Variants in RIPOR3 observed in about 807,000 individuals in gnomAD.
RIPOR3 encodes family with sequence similarity 65 member C.
In RIPOR3, 95 loss-of-function variants were observed where a neutral mutation model predicts 114.3. The ratio of observed to expected loss-of-function variants is 0.83; its 90% CI spans 0.70 to 0.99. RIPOR3 has a LOEUF of 0.99. RIPOR3 is among the 50% of genes least tolerant of loss of function. The pLI, the probability that RIPOR3 is intolerant of heterozygous loss-of-function variation, is 0.00. For synonymous variants in RIPOR3, 575 were observed against 543.8 expected (o/e 1.06, Z -0.80); for missense variants, 1,252 against 1,266.9 (o/e 0.99, Z 0.18).
chr20:50,592,512 C>T lies in RIPOR3; in HGVS notation c.2409G>A (p.Gln803=). The T allele has an allele frequency of 6.3e-7, 1 of 1,591,832 alleles. No homozygotes were observed. Among genetic ancestry groups the T allele is most frequent in the East Asian group, 2.3e-5 (1 of 44,068 alleles). ...TLIEELHCAG[Q]AKVVRKLQGK... is the part of the protein sequence containing the mutation. ...CCTGCAGCTTCCGGACCACCTTGGC[C>T]TGTCCCGCACAGTGAAGCTCCTCGA... The change falls in exon 19 of 22, where the codon CAG becomes CAA. Residue 803 remains glutamine (Q), a synonymous_variant. Coordinates refer to ENST00000327979, the MANE Select transcript of RIPOR3 (RefSeq NM_001290268.2).
intron 2 of RIPOR3, among the ~76,000 whole-genome samples, chr20:50,628,507 C>T (rs940014313): frequency 6.6e-6 from 1 of 152,082 alleles, no homozygotes; most frequent in African/African-American, 2.4e-5. Flanking sequence ...CGGCCCACCC[C>T]CATCTGCACA....
At chr20:50,621,379 C>CT (rs976616807) in intron 2 of RIPOR3, among the ~76,000 whole-genome samples, 2 of 152,158 alleles carry the variant, frequency 1.3e-5, no homozygotes, top group African/African-American at 4.8e-5. Flanking sequence ...CCCAGCTCTG[C>CT]TTTTTATACT....
At chr20:50,665,853 C>T (rs1267655018) in intron 1 of RIPOR3, among the ~76,000 whole-genome samples, 1 of 152,122 alleles carries the variant, frequency 6.6e-6, no homozygotes, top group Admixed American at 6.5e-5. Flanking sequence ...CTGCTCCAAG[C>T]TAGGTGAAGG....
chr20:50,664,819 C>T (rs1336964906), intron 1 of RIPOR3, among the ~76,000 whole-genome samples: 1 of 151,938 alleles, frequency 6.6e-6, no homozygotes, highest in Non-Finnish European at 1.5e-5. Flanking sequence ...AAAAGAAACC[C>T]GGCTGGGCAC....
chr20:50,590,220 C>A (rs2083066645), intron 19 of RIPOR3, among the ~76,000 whole-genome samples: 1 of 152,246 alleles, frequency 6.6e-6, no homozygotes. Context: ...CCAGCGGTGA[C>A]CCTGCCCTCT....
Position 50,691,145 on chromosome 20 carries a change from CTCGAGTGCAG to C in RIPOR3, c.-27_-18del. 7.8e-7 allele frequency: 1 copy of C among 1,289,468 alleles called. No homozygotes were observed. Among genetic ancestry groups the C allele is most frequent in the Non-Finnish European group, 1.0e-6 (1 of 988,864 alleles). The allele number at this position is 1,289,468 out of a possible 1,614,324, so 79.9% of individuals were successfully genotyped here. On this transcript the variant is annotated 5_prime_UTR_variant, in exon 1 of 22. Coordinates refer to ENST00000327979, the MANE Select transcript of RIPOR3 (RefSeq NM_001290268.2). Reference sequence around the variant, plus strand: ...ACTCACCATCGAGCAGGTCTGGACACTCGAGTGCAGTCCCGCCGCCCTCCTTGCAGCTGCC... The same window carrying C: ...ACTCACCATCGAGCAGGTCTGGACACTCCCGCCGCCCTCCTTGCAGCTGCC...
At chr20:50,587,771 G>A (rs754855419) in intron 21 of RIPOR3, 31 bp downstream of exon 21, 19 of 1,609,808 alleles carry the variant, frequency 1.2e-5, no homozygotes, top group Admixed American at 6.7e-5. Flanking sequence ...CAGGCACCCC[G>A]CTGCGCTGCA....
intron 2 of RIPOR3, among the ~76,000 whole-genome samples, chr20:50,628,898 CA>C (rs2084718300): frequency 6.6e-6 from 1 of 152,178 alleles, no homozygotes; most frequent in South Asian, 2.1e-4. Flanking sequence ...GGGCTGACCT[CA>C]GGGGGGTGGA....
rs954562200 is a variant in RIPOR3, at chr20:50,691,370, G to A, written c.-242C>T. 8.1e-6 allele frequency: 3 copies of A among 368,614 alleles called. No homozygotes were observed. Among genetic ancestry groups the A allele is most frequent in the Non-Finnish European group, 1.5e-5 (3 of 194,386 alleles). The allele number at this position is 368,614 out of a possible 1,614,324, so 22.8% of individuals were successfully genotyped here. A position where few individuals can be genotyped will look rare whatever the true frequency, so the allele number is the denominator to read the frequency against. On this transcript the variant is annotated 5_prime_UTR_variant, in exon 1 of 22. Transcript: ENST00000327979. ...GGTGCAGGGAGGCCGGTGCCCTGCC[G>A]GGCTCTGATAATGCAGCCGGGACTC...
Position 50,630,668 on chromosome 20 carries a change from C to T in RIPOR3, c.122+70G>A, listed in dbSNP as rs145115161. ...GTCTCTGGCAGCAGGAGGAGGATGA[C>T]CCTGCCCTTCCCCAGCCCATTAACA... On this transcript the variant is annotated intron_variant, in intron 2 of 21. Transcript: ENST00000327979. 1,460 of 1,363,758 alleles carry T rather than the reference C, an allele frequency of 1.1e-3. 14 individuals carry two copies. In the African/African-American group the frequency reaches 0.019, roughly 18 times the overall value. 84.5% of individuals were successfully genotyped at this position (1,363,758 alleles called of 1,614,324 possible).
At chr20:50,599,794 G>A (rs2083433233) in intron 13 of RIPOR3, among the ~76,000 whole-genome samples, 1 of 152,012 alleles carries the variant, frequency 6.6e-6, no homozygotes, top group Non-Finnish European at 1.5e-5. Context: ...ATTGATTTGG[G>A]GGTTAGAAAT....
rs146650565 is a variant in RIPOR3 at position 50,652,856 on chromosome 20, G to A, written c.4-22000C>T. ...CGCTACTGGTGACATGTAAGAGGGC[G>A]CAGCTGCTTTGGAAAACAGCTTGGC... On this transcript the variant is annotated intron_variant, in intron 1 of 21. Transcript: ENST00000327979. 1.9e-3 allele frequency among the ~76,000 whole-genome samples: 287 copies of A among 152,272 alleles called. 3 individuals are homozygous for A. Among genetic ancestry groups the A allele is most frequent in the African/African-American group, 6.8e-3 (282 of 41,562 alleles).
chr20:50,593,768 A>G (rs1165554666), intron 17 of RIPOR3, among the ~76,000 whole-genome samples: 1 of 151,922 alleles, frequency 6.6e-6, no homozygotes, highest in African/African-American at 2.4e-5. Context: ...AGGGCCTGGG[A>G]ATATGCATGT....
intron 2 of RIPOR3, among the ~76,000 whole-genome samples, chr20:50,626,743 C>T (rs1411927799): frequency 6.6e-6 from 1 of 152,192 alleles, no homozygotes; most frequent in Non-Finnish European, 1.5e-5. Context: ...AATTTTGGGC[C>T]AGGCGCGGTG....
chr20:50,674,549 A>G (rs1328803891), intron 1 of RIPOR3, among the ~76,000 whole-genome samples: 3 of 150,752 alleles, frequency 2.0e-5, no homozygotes, highest in Non-Finnish European at 4.4e-5. Context: ...GAGACACAGA[A>G]TGTGACCATT....
chr20:50,617,918 G>A (rs1380938043), intron 3 of RIPOR3, among the ~76,000 whole-genome samples: 1 of 151,984 alleles, frequency 6.6e-6, no homozygotes, highest in Non-Finnish European at 1.5e-5. Context: ...CGTCTGGCCT[G>A]GTTTCAACTT....
At chr20:50,651,310 C>T (rs1437098706) in intron 1 of RIPOR3, among the ~76,000 whole-genome samples, 4 of 152,212 alleles carry the variant, frequency 2.6e-5, no homozygotes, top group East Asian at 1.9e-4. Flanking sequence ...GTCCCCAGAT[C>T]CTCCAGACAA....
At chr20:50,648,057 C>G (rs1405549041) in intron 1 of RIPOR3, among the ~76,000 whole-genome samples, 1 of 151,872 alleles carries the variant, frequency 6.6e-6, no homozygotes, top group Non-Finnish European at 1.5e-5. Context: ...GGGTGGATCA[C>G]CTGAGGTCAG....
Position 50,620,012 on chromosome 20 carries a change from G to T in RIPOR3, c.243C>A (p.Ile81=), listed in dbSNP as rs770537736. The change falls in exon 3 of 22, where the codon ATC becomes ATA. Residue 81 remains isoleucine, a synonymous_variant. Coordinates refer to ENST00000327979, the MANE Select transcript of RIPOR3 (RefSeq NM_001290268.2). ...ADPKPQQVKK[I]FEALKRGLKE... Reference sequence around the variant, plus strand: ...TGAGGCCTCTTTTCAATGCTTCGAAGATCTTCTTCACCTGCTGGGGCTTCG... The same window carrying T: ...TGAGGCCTCTTTTCAATGCTTCGAATATCTTCTTCACCTGCTGGGGCTTCG... 1.2e-6 allele frequency: 2 copies of T among 1,613,094 alleles called. No homozygotes were observed. Among genetic ancestry groups the T allele is most frequent in the Middle Eastern group, 1.7e-4 (1 of 6,060 alleles).
Sources: allele counts gnomAD v4.1 joint callset (sites outside exome capture counted in the v4.1 genomes callset), GRCh38; gene constraint gnomAD v4.1.1; transcripts MANE v1.5; gene names NCBI Gene and HGNC (gene_info 2026-07-23, HGNC 2026-07-21).